The following CRACD variants were observed in gnomAD, a reference collection of about 807,000 sequenced individuals.
CRACD encodes the protein capping protein inhibiting regulator of actin dynamics.
CRACD carries 56 observed loss-of-function variants against 106.8 expected under a neutral mutation model. That is an observed-to-expected ratio of 0.52 (90% confidence interval 0.42 to 0.66). The LOEUF (loss-of-function observed/expected upper bound fraction) is 0.66. Ranked by LOEUF, CRACD falls within the 30% of genes least tolerant of loss-of-function variation. CRACD has a pLI of 0.00. For missense variants in CRACD, 1,730 were observed against 1,623.2 expected (o/e 1.07, Z -1.13); for synonymous variants, 754 against 670.8 (o/e 1.12, Z -1.92).
rs957244471 is a variant in CRACD at position 56,069,960 on chromosome 4, C to A, written c.-336+20661C>A. Among the ~76,000 whole-genome samples the A allele has an allele frequency of 2.0e-4, 30 of 152,336 alleles. No individual in the cohort carries two copies. In the South Asian group the frequency reaches 3.7e-3, roughly 19 times the overall value. On this transcript the variant is annotated intron_variant, in intron 1 of 10. Transcript: ENST00000682029. ...TCTGCATATAATGGGTGAGCAACTT[C>A]TGTAATTATTATTGGTTAATAGCTA...
At chr4:56,210,790 A>G (rs1005206515) in intron 2 of CRACD, among the ~76,000 whole-genome samples, 8 of 152,222 alleles carry the variant, frequency 5.3e-5, no homozygotes, top group African/African-American at 1.4e-4. Context: ...TTTGAGTTCT[A>G]TAGGTGGTCT....
At position 56,315,375 on chromosome 4, in the gene CRACD, G is replaced by C. The variant is rs1248725099; in HGVS notation, c.1873G>C (p.Glu625Gln). ...DTACKSLLGLEEKKHAEAPAG... is the reference protein window; with the variant it reads ...DTACKSLLGLQEKKHAEAPAG... ...CGCGTGCAAGTCCCTCCTGGGCTTG[G>C]AGGAGAAGAAGCACGCGGAAGCCCC... Residue 625 changes from glutamate to glutamine, a missense_variant, in exon 8 of 11, where the codon GAG (glutamate) becomes CAG (glutamine). This residue lies in a region of CRACD where 1,620 missense variants were observed against 1,481.6 expected (regional missense o/e 1.09). Coordinates refer to ENST00000682029, the MANE Select transcript of CRACD (RefSeq NM_001393381.1). This position sits in a 1 kb window ranked among gnomAD's most constrained non-coding sequence, Gnocchi z 4.1. 1.2e-6 allele frequency: 2 copies of C among 1,613,436 alleles called. No individual in the cohort carries two copies. The highest frequency in any genetic ancestry group is 1.1e-5 in the South Asian group (1 of 91,062).
chr4:56,189,291 TC>T (rs1436037341), intron 2 of CRACD, among the ~76,000 whole-genome samples: 1 of 152,168 alleles, frequency 6.6e-6, no homozygotes, highest in Admixed American at 6.6e-5. Flanking sequence ...CTGCCTCTCT[TC>T]CCACTGCCAT....
At chr4:56,089,684 T>A (rs1733352575) in intron 1 of CRACD, among the ~76,000 whole-genome samples, 1 of 152,060 alleles carries the variant, frequency 6.6e-6, no homozygotes. Flanking sequence ...CAGCTAATTT[T>A]GTATTTTTTA....
Position 56,324,116 on chromosome 4 carries a change from G to A in CRACD, c.3391G>A (p.Val1131Met), listed in dbSNP as rs571781158. ...TCTGCCCACGCAGGTCAGTGTCAGC[G>A]TGCAGCCTGGAAGCAGCAGTGTCAG... ...KLSKENVSVS[V>M]QPGSSSVSRA... The change falls in exon 10 of 11, where the codon GTG (valine) becomes ATG (methionine). Residue 1131 changes from valine to methionine, a missense_variant. Transcript: ENST00000682029. 1.1e-5 allele frequency: 17 copies of A among 1,611,714 alleles called. No homozygotes were observed. Among genetic ancestry groups the A allele is most frequent in the Middle Eastern group, 1.7e-4 (1 of 5,890 alleles).
At chr4:56,087,291 C>T (rs940336708) in intron 1 of CRACD, among the ~76,000 whole-genome samples, 33 of 152,060 alleles carry the variant, frequency 2.2e-4, no homozygotes, top group Non-Finnish European at 4.4e-4. Flanking sequence ...GGGATTACAG[C>T]CGTGAGCCAC....
At chr4:56,279,170 T>C (rs2109665661) in intron 3 of CRACD, among the ~76,000 whole-genome samples, 1 of 152,332 alleles carries the variant, frequency 6.6e-6, no homozygotes, top group East Asian at 1.9e-4. Flanking sequence ...CTACACCCAC[T>C]GTCCTGCACC....
intron 2 of CRACD, among the ~76,000 whole-genome samples, chr4:56,243,838 C>G (rs2109569048): frequency 6.6e-6 from 1 of 152,172 alleles, no homozygotes; most frequent in South Asian, 2.1e-4. Context: ...TATAGTCACC[C>G]TATTGTACTT....
chr4:56,250,541 C>T (rs1740991565), intron 2 of CRACD, among the ~76,000 whole-genome samples: 1 of 152,200 alleles, frequency 6.6e-6, no homozygotes, highest in Non-Finnish European at 1.5e-5. Context: ...ACCTCCAGAG[C>T]TCAAATGCCT....
intron 1 of CRACD, among the ~76,000 whole-genome samples, chr4:56,075,140 A>C (rs1168285222): frequency 6.6e-6 from 1 of 152,130 alleles, no homozygotes; most frequent in African/African-American, 2.4e-5. Context: ...TATTGGCCTG[A>C]AATTTTCTTT....
chr4:56,218,102 TG>T (rs758980039), intron 2 of CRACD, among the ~76,000 whole-genome samples: 37 of 152,242 alleles, frequency 2.4e-4, no homozygotes, highest in Non-Finnish European at 5.1e-4. Flanking sequence ...TCAGCCTTAT[TG>T]GATTAGGGCC....
chr4:56,281,045 T>G (rs1321471973), intron 3 of CRACD, among the ~76,000 whole-genome samples: 1 of 152,118 alleles, frequency 6.6e-6, no homozygotes, highest in African/African-American at 2.4e-5. Flanking sequence ...GCTGAATATG[T>G]CTAGAGAAAA....
chr4:56,126,843 G>A (rs145511740), intron 1 of CRACD, among the ~76,000 whole-genome samples: 93 of 152,244 alleles, frequency 6.1e-4, no homozygotes, highest in Middle Eastern at 3.4e-3. Flanking sequence ...TGAGAGTTGG[G>A]GTGACTAGCA....
chr4:56,311,575 T>G (rs1285863415), intron 6 of CRACD: 1 of 152,360 alleles, frequency 6.6e-6, no homozygotes, highest in South Asian at 2.1e-4. Flanking sequence ...ATTATAAAGA[T>G]AACCATAAAT....
chr4:56,255,991 C>T (rs1213295583), intron 2 of CRACD, among the ~76,000 whole-genome samples: 1 of 152,132 alleles, frequency 6.6e-6, no homozygotes, highest in Non-Finnish European at 1.5e-5. Flanking sequence ...CTTGAAGGGT[C>T]CTGGCTGATA....
At chr4:56,074,568 A>C (rs987609992) in intron 1 of CRACD, among the ~76,000 whole-genome samples, 1 of 152,122 alleles carries the variant, frequency 6.6e-6, no homozygotes, top group African/African-American at 2.4e-5. Context: ...GTTGCTTATG[A>C]GCTTAAGGAG....
intron 1 of CRACD, among the ~76,000 whole-genome samples, chr4:56,151,301 G>T (rs545503651): frequency 6.6e-6 from 1 of 152,110 alleles, no homozygotes; most frequent in South Asian, 2.1e-4. Flanking sequence ...CACCTGGCGG[G>T]TATGAGGGTT....
At chr4:56,327,519 A>G (rs1746527678) in intron 10 of CRACD, 125 bp from the exon 11 acceptor site, 1 of 817,764 alleles carries the variant, frequency 1.2e-6, no homozygotes, top group Admixed American at 2.6e-5. Flanking sequence ...ATTTCAAAAC[A>G]ATGTTGTACA....
At chr4:56,125,980 C>T (rs541557970) in intron 1 of CRACD, among the ~76,000 whole-genome samples, 1 of 151,978 alleles carries the variant, frequency 6.6e-6, no homozygotes, top group South Asian at 2.1e-4. Flanking sequence ...CCATCTTGGC[C>T]AGGCTGGTCT....
Sources: gnomAD v4.1 joint callset for allele counts (sites outside exome capture counted in the v4.1 genomes callset) on GRCh38, gnomAD v4.1.1 for gene constraint, gnomAD v4.1.1 regional missense constraint, Gnocchi (gnomAD v3.1) non-coding constraint, MANE v1.5 for transcripts, NCBI Gene and HGNC (gene_info 2026-07-23, HGNC 2026-07-21) for gene names.